The following LHFPL3 variants were observed in gnomAD, a reference collection of about 807,000 sequenced individuals.
LHFPL3 encodes the protein LHFPL tetraspan subfamily member 3, also known as LHFPL tetraspan subfamily member 3 protein.
In LHFPL3, 5 loss-of-function variants were observed where a neutral mutation model predicts 19.3. That is an observed-to-expected ratio of 0.26 (90% CI 0.14 to 0.54). The LOEUF is 0.54. Ranked by LOEUF, LHFPL3 falls within the 20% of genes least tolerant of loss-of-function variation. The pLI is 0.94. For missense variants in LHFPL3, 249 were observed against 307.4 expected (o/e 0.81, Z 1.42); for synonymous variants, 133 against 126.2 (o/e 1.05, Z -0.36).
At chr7:104,438,718 C>T (rs1435920448) in intron 1 of LHFPL3, among the ~76,000 whole-genome samples, 1 of 151,250 alleles carries the variant, frequency 6.6e-6, no homozygotes, top group African/African-American at 2.4e-5. Context: ...CAAACAAATC[C>T]AAAAGTAAGT....
chr7:104,753,908 G>A (rs1480624243), intron 2 of LHFPL3, among the ~76,000 whole-genome samples: 1 of 152,188 alleles, frequency 6.6e-6, no homozygotes, highest in Non-Finnish European at 1.5e-5. Flanking sequence ...TTGCCTTCAC[G>A]TGCTGCCAGT....
chr7:104,508,463 G>A (rs1259825645), intron 1 of LHFPL3, among the ~76,000 whole-genome samples: 1 of 122,026 alleles, frequency 8.2e-6, no homozygotes, highest in African/African-American at 3.2e-5. Context: ...CTATTGTGGG[G>A]TGGGGGGAGG....
intron 1 of LHFPL3, among the ~76,000 whole-genome samples, chr7:104,538,224 C>T (rs191885072): frequency 3.3e-4 from 51 of 152,306 alleles, no homozygotes; most frequent in Non-Finnish European, 1.5e-5. Context: ...AATCTGAGCA[C>T]TGTAACAGCT....
At chr7:104,355,838 T>A (rs1584263211) in intron 1 of LHFPL3, among the ~76,000 whole-genome samples, 1 of 152,200 alleles carries the variant, frequency 6.6e-6, no homozygotes, top group Non-Finnish European at 1.5e-5. Flanking sequence ...TTAGTAAAAA[T>A]CTTTAAATCT....
intron 2 of LHFPL3, among the ~76,000 whole-genome samples, chr7:104,778,555 T>C (rs1173630467): frequency 6.6e-6 from 1 of 152,216 alleles, no homozygotes; most frequent in African/African-American, 2.4e-5. Flanking sequence ...CCAGCAACCA[T>C]GTGTACCTGC....
intron 2 of LHFPL3, among the ~76,000 whole-genome samples, chr7:104,850,212 G>C (rs1235581204): frequency 6.6e-6 from 1 of 152,208 alleles, no homozygotes; most frequent in Non-Finnish European, 1.5e-5. Context: ...TGAGGCAGGA[G>C]AATCACTTGA....
chr7:104,695,025 G>C (rs1562967372), intron 1 of LHFPL3, among the ~76,000 whole-genome samples: 1 of 152,242 alleles, frequency 6.6e-6, no homozygotes, highest in Non-Finnish European at 1.5e-5. Context: ...AAGAAAGGCA[G>C]ACTTAACAGC....
intron 1 of LHFPL3, among the ~76,000 whole-genome samples, chr7:104,431,929 G>C (rs1460498111): frequency 6.6e-6 from 1 of 152,160 alleles, no homozygotes; most frequent in African/African-American, 2.4e-5. Flanking sequence ...AGGAGGTAGA[G>C]GAATAAATGT....
At chr7:104,694,124 G>T (rs1562967200) in intron 1 of LHFPL3, among the ~76,000 whole-genome samples, 5 of 152,190 alleles carry the variant, frequency 3.3e-5, no homozygotes, top group Admixed American at 2.6e-4. Flanking sequence ...GGCCAGAAAA[G>T]GTGTTCTAGA....
At chr7:104,723,814 C>A (rs1279285146) in intron 1 of LHFPL3, among the ~76,000 whole-genome samples, 3 of 148,788 alleles carry the variant, frequency 2.0e-5, no homozygotes, top group South Asian at 2.1e-4. Flanking sequence ...TACATAGCTG[C>A]AAGGAGGTTA....
At chr7:104,406,859 G>T (rs1341501647) in intron 1 of LHFPL3, among the ~76,000 whole-genome samples, 1 of 152,204 alleles carries the variant, frequency 6.6e-6, no homozygotes, top group Non-Finnish European at 1.5e-5. Flanking sequence ...TAATTTAGGG[G>T]ACATTCCAGG....
At chr7:104,829,216 G>T (rs1246101630) in intron 2 of LHFPL3, among the ~76,000 whole-genome samples, 1 of 151,884 alleles carries the variant, frequency 6.6e-6, no homozygotes. Context: ...CCTCCGGCTG[G>T]CTTGGCCTCC....
intron 1 of LHFPL3, among the ~76,000 whole-genome samples, chr7:104,704,464 T>C (rs1183550688): frequency 6.6e-6 from 1 of 152,200 alleles, no homozygotes; most frequent in Non-Finnish European, 1.5e-5. Context: ...TGATTAATTA[T>C]ACTTTTGGTC....
chr7:104,596,621 C>G (rs1019631943), intron 1 of LHFPL3, among the ~76,000 whole-genome samples: 2 of 152,164 alleles, frequency 1.3e-5, no homozygotes, highest in Non-Finnish European at 2.9e-5. Flanking sequence ...ACATGAATAA[C>G]AAAACATAGC....
intron 1 of LHFPL3, among the ~76,000 whole-genome samples, chr7:104,460,761 A>G (rs1396457963): frequency 1.3e-5 from 2 of 152,220 alleles, no homozygotes; most frequent in South Asian, 2.1e-4. Flanking sequence ...TCAGATGCAT[A>G]GTTTGCAAAA....
intron 1 of LHFPL3, among the ~76,000 whole-genome samples, chr7:104,601,706 C>A (rs1316088539): frequency 6.6e-6 from 1 of 152,166 alleles, no homozygotes; most frequent in Non-Finnish European, 1.5e-5. Context: ...AGACACCAAC[C>A]ACAAACTCAG....
chr7:104,883,960 T>C (rs1002294047), intron 2 of LHFPL3, among the ~76,000 whole-genome samples: 2 of 152,122 alleles, frequency 1.3e-5, no homozygotes, highest in African/African-American at 2.4e-5. Context: ...ATGGTGCAGA[T>C]TCAGCAGTGC....
At chr7:104,458,601 T>C (rs1422954887) in intron 1 of LHFPL3, among the ~76,000 whole-genome samples, 1 of 152,116 alleles carries the variant, frequency 6.6e-6, no homozygotes, top group Non-Finnish European at 1.5e-5. Flanking sequence ...CGATGCGGGC[T>C]CTTTTTTGGT....
chr7:104,386,395 G>T (rs1790943444), intron 1 of LHFPL3, among the ~76,000 whole-genome samples: 1 of 152,176 alleles, frequency 6.6e-6, no homozygotes, highest in Admixed American at 6.5e-5. Context: ...AGTTGCCTGA[G>T]ATTCCGATAA....
Sources: allele counts gnomAD v4.1 joint callset (sites outside exome capture counted in the v4.1 genomes callset), GRCh38; gene constraint gnomAD v4.1.1; transcripts MANE v1.5; gene names NCBI Gene and HGNC (gene_info 2026-07-23, HGNC 2026-07-21).